ZNF385D: variants seen among roughly 807,000 people sequenced by gnomAD.
The protein encoded by ZNF385D is zinc finger protein 385D.
ZNF385D carries 15 observed loss-of-function variants against 35.8 expected under a neutral mutation model. That is an observed-to-expected ratio of 0.42 (90% CI 0.28 to 0.64). The LOEUF (loss-of-function observed/expected upper bound fraction) is 0.64, where lower values mean the gene tolerates loss of function less well. Ranked by LOEUF, ZNF385D falls within the 30% of genes least tolerant of loss-of-function variation. The pLI is 0.23. For synonymous variants in ZNF385D, 212 were observed against 186.8 expected (o/e 1.13, Z -1.10); for missense variants, 474 against 494.6 (o/e 0.96, Z 0.39).
chr3:21,879,798 TAC>T (rs1698181830), intron 3 of ZNF385D, among the ~76,000 whole-genome samples: 1 of 151,986 alleles, frequency 6.6e-6, no homozygotes, highest in African/African-American at 2.4e-5. Context: ...TATATAACAC[TAC>T]AGTTGGTTTT....
intron 3 of ZNF385D, among the ~76,000 whole-genome samples, chr3:22,087,392 A>G (rs866409302): frequency 8.5e-5 from 13 of 152,316 alleles, no homozygotes; most frequent in African/African-American, 2.2e-4. Context: ...TTAAAAACAT[A>G]TATGTTATGG....
rs56827844 is a variant in ZNF385D, at chr3:21,428,933, C to CTT, written c.674-3265_674-3264dup. Reference sequence around the variant, plus strand: ...GCACGGCATAAGGCTCCAAGAAATCCTTTTTTTTTTTTGCTTTCTGCTTAA... The same window carrying CTT: ...GCACGGCATAAGGCTCCAAGAAATCCTTTTTTTTTTTTTTGCTTTCTGCTTAA... On this transcript the variant is annotated intron_variant, in intron 5 of 7. Transcript: ENST00000281523. 2.0e-3 allele frequency among the ~76,000 whole-genome samples: 225 copies of CTT among 111,992 alleles called. 6 individuals are homozygous for CTT. Among genetic ancestry groups the CTT allele is most frequent in the Middle Eastern group, 4.7e-3 (1 of 212 alleles). 73.5% of individuals were successfully genotyped at this position (111,992 alleles called of 152,430 possible).
intron 2 of ZNF385D, among the ~76,000 whole-genome samples, chr3:22,200,039 G>C (rs759208613): frequency 6.6e-6 from 1 of 152,054 alleles, no homozygotes; most frequent in African/African-American, 2.4e-5. Context: ...TGGAGACTGT[G>C]TCAGCACAGA....
At chr3:22,144,258 A>C (rs1704704015) in intron 3 of ZNF385D, among the ~76,000 whole-genome samples, 1 of 152,174 alleles carries the variant, frequency 6.6e-6, no homozygotes, top group African/African-American at 2.4e-5. Flanking sequence ...AAATTATTTT[A>C]AACTTGAAGA....
At chr3:22,088,930 C>A (rs1287954322) in intron 3 of ZNF385D, among the ~76,000 whole-genome samples, 1 of 152,072 alleles carries the variant, frequency 6.6e-6, no homozygotes, top group Non-Finnish European at 1.5e-5. Context: ...AAAAACTGAG[C>A]AATCTATTTA....
chr3:21,457,257 G>T (rs1457037241), intron 4 of ZNF385D, among the ~76,000 whole-genome samples: 2 of 152,310 alleles, frequency 1.3e-5, no homozygotes, highest in Admixed American at 6.5e-5. Context: ...TGTATGGAAA[G>T]AATTTTTCAT....
chr3:21,877,209 G>A (rs1426110571), intron 3 of ZNF385D, among the ~76,000 whole-genome samples: 1 of 152,014 alleles, frequency 6.6e-6, no homozygotes, highest in African/African-American at 2.4e-5. Context: ...GTTTGCATAG[G>A]AATGGGCATT....
intron 3 of ZNF385D, among the ~76,000 whole-genome samples, chr3:21,959,760 C>T (rs1702480563): frequency 6.6e-6 from 1 of 152,156 alleles, no homozygotes; most frequent in Admixed American, 6.6e-5. Flanking sequence ...TATTTAACTG[C>T]TCCCCTCACT....
chr3:21,550,707 TC>T (rs2062537277), intron 3 of ZNF385D, among the ~76,000 whole-genome samples: 2 of 152,194 alleles, frequency 1.3e-5, no homozygotes, highest in Admixed American at 6.5e-5. Flanking sequence ...GGTCTCGAAT[TC>T]CTGACCTCGT....
chr3:22,326,057 G>A (rs1179863611), intron 2 of ZNF385D, among the ~76,000 whole-genome samples: 2 of 152,062 alleles, frequency 1.3e-5, no homozygotes, highest in Non-Finnish European at 2.9e-5. Flanking sequence ...ATTCCCGAAT[G>A]TTTTCCTTTC....
Position 21,421,318 on chromosome 3 carries a change from C to T in ZNF385D, c.1084G>A (p.Ala362Thr), listed in dbSNP as rs766292050. Residue 362 changes from alanine to threonine, a missense_variant, in exon 8 of 8, where the codon GCA (alanine) becomes ACA (threonine). Coordinates refer to ENST00000281523, the MANE Select transcript of ZNF385D (RefSeq NM_024697.3). ...SSPFSLRTAP[A>T]ATLFQTSALP... ...GCGGAAGTCTGGAACAGTGTTGCTGCTGGAGCAGTTCGAAGACTGAAGGGG... is the reference window on the plus strand; with the variant it reads ...GCGGAAGTCTGGAACAGTGTTGCTGTTGGAGCAGTTCGAAGACTGAAGGGG... 3.1e-6 allele frequency: 5 copies of T among 1,614,014 alleles called. No homozygotes were observed. The South Asian group carries it at 5.5e-5, about 18-fold the overall frequency.
At chr3:21,720,810 A>G (rs1323630878) in intron 1 of ZNF385D, among the ~76,000 whole-genome samples, 1 of 152,166 alleles carries the variant, frequency 6.6e-6, no homozygotes, top group African/African-American at 2.4e-5. Context: ...TAATTTAAAG[A>G]CCTTCTATTG....
In ZNF385D at chr3:21,664,932, G is replaced by A. The variant is rs765552529; in HGVS notation, c.119C>T (p.Pro40Leu). 1.9e-5 allele frequency: 31 copies of A among 1,613,788 alleles called. No homozygotes were observed. The highest frequency in any genetic ancestry group is 2.5e-5 in the Non-Finnish European group (30 of 1,179,766). Residue 40 changes from proline (P) to leucine (L), a missense_variant, in exon 2 of 8, where the codon CCT (proline) becomes CTT (leucine). Physicochemically the swap from Pro to Leu is moderately conservative, Grantham distance 98. Coordinates refer to ENST00000281523, the MANE Select transcript of ZNF385D (RefSeq NM_024697.3). ...SLDIKPFLPF[P>L]LDTAAAVNLF... Reference sequence around the variant, plus strand: ...GTTGACTGCAGCTGCAGTGTCAAGAGGAAAGGGAAGAAATGGTTTAATATC... The same window carrying A: ...GTTGACTGCAGCTGCAGTGTCAAGAAGAAAGGGAAGAAATGGTTTAATATC...
chr3:21,522,144 A>G (rs1350289735), intron 3 of ZNF385D, among the ~76,000 whole-genome samples: 1 of 152,190 alleles, frequency 6.6e-6, no homozygotes, highest in Non-Finnish European at 1.5e-5. Context: ...TTTTGGAGAA[A>G]AAAGAAAAAA....
At chr3:21,546,585 A>G (rs987799629) in intron 3 of ZNF385D, among the ~76,000 whole-genome samples, 1 of 151,862 alleles carries the variant, frequency 6.6e-6, no homozygotes, top group African/African-American at 2.4e-5. Context: ...CCCAGACTCA[A>G]TTCCAAGCTT....
At chr3:21,550,919 A>C (rs1244266450) in intron 3 of ZNF385D, among the ~76,000 whole-genome samples, 1 of 152,236 alleles carries the variant, frequency 6.6e-6, no homozygotes, top group Admixed American at 6.5e-5. Flanking sequence ...TTTATCAAAC[A>C]GTTCCCCAAC....
At chr3:22,155,492 C>T (rs1258061999) in intron 3 of ZNF385D, among the ~76,000 whole-genome samples, 3 of 151,952 alleles carry the variant, frequency 2.0e-5, no homozygotes, top group Non-Finnish European at 4.4e-5. Flanking sequence ...ATTACAAACA[C>T]TGGGACACTT....
At chr3:21,571,716 GCCC>G (rs2063339931) in intron 2 of ZNF385D, among the ~76,000 whole-genome samples, 1 of 152,060 alleles carries the variant, frequency 6.6e-6, no homozygotes, top group Non-Finnish European at 1.5e-5. Context: ...GGGCTCCCAT[GCCC>G]CCAACAGGTT....
At chr3:21,476,906 C>T (rs939625174) in intron 4 of ZNF385D, among the ~76,000 whole-genome samples, 2 of 151,816 alleles carry the variant, frequency 1.3e-5, no homozygotes, top group Non-Finnish European at 2.9e-5. Context: ...ATCCATACCC[C>T]TCTCTGTGTT....
Sources: gnomAD v4.1 joint callset for allele counts (sites outside exome capture counted in the v4.1 genomes callset) on GRCh38, gnomAD v4.1.1 for gene constraint, MANE v1.5 for transcripts, NCBI Gene and HGNC (gene_info 2026-07-23, HGNC 2026-07-21) for gene names.